ALPK3: variants seen among roughly 807,000 people sequenced by gnomAD.
ALPK3 encodes the protein alpha kinase 3, also known as alpha-protein kinase 3.
Under a neutral mutation model 140.0 loss-of-function variants are expected in ALPK3, and 102 were observed. The ratio of observed to expected loss-of-function variants is 0.73; its 90% CI spans 0.62 to 0.86. The LOEUF is 0.86. Among genes scored for constraint, ALPK3 ranks in the 40% least tolerant of loss-of-function variants. ALPK3 has a pLI of 0.00. For missense variants in ALPK3, 2,254 were observed against 2,208.2 expected, an observed-to-expected ratio of 1.02 and a Z score of -0.42; for synonymous variants, 938 against 898.5, an observed-to-expected ratio of 1.04 and a Z score of -0.79.
At chr15:84,864,333 A>T (rs2289138) in intron 11 of ALPK3, 109 bp from the exon 12 acceptor site, 2 of 1,152,918 alleles carry the variant, frequency 1.7e-6, no homozygotes, top group Non-Finnish European at 2.5e-6. Flanking sequence ...GCTGAGAATT[A>T]CATTCTTGGA....
intron 6 of ALPK3, 27 bp from the exon 7 acceptor site, chr15:84,859,216 C>A: frequency 1.9e-6 from 3 of 1,613,280 alleles, no homozygotes; most frequent in Non-Finnish European, 2.5e-6. Context: ...AGGTGGTGTT[C>A]CCCTCTTGAC....
chr15:84,864,597 A>C lies in ALPK3; in HGVS notation c.4655A>C (p.Lys1552Thr), dbSNP rs1237773925. The C allele has an allele frequency of 2.5e-6, 4 of 1,614,192 alleles. No individual in the cohort carries two copies. Among genetic ancestry groups the C allele is most frequent in the Non-Finnish European group, 3.4e-6 (4 of 1,180,028 alleles). The change falls in exon 12 of 14, where the codon AAA becomes ACA. Residue 1552 changes from lysine (K) to threonine (T), a missense_variant. By Grantham distance (78) the Lys-to-Thr change is moderately conservative (BLOSUM62 -1). Transcript: ENST00000258888. The part of the protein sequence containing the change: ...TASGSSEAMQ[K>T]CQTFQHWLYQ... ...TCTGGCAGCTCTGAGGCCATGCAGA[A>C]ATGCCAGACCTTCCAACACTGGCTG...
At chr15:84,832,197 C>T (rs1223676444) in intron 3 of ALPK3, among the ~76,000 whole-genome samples, 1 of 152,160 alleles carries the variant, frequency 6.6e-6, no homozygotes. Flanking sequence ...TACCAAATTG[C>T]CAATTCTTAG....
At chr15:84,846,195 T>G (rs1963729229) in intron 5 of ALPK3, among the ~76,000 whole-genome samples, 1 of 152,206 alleles carries the variant, frequency 6.6e-6, no homozygotes, top group African/African-American at 2.4e-5. Context: ...ACTAGGTAGA[T>G]TGCCTTCCAA....
chr15:84,851,287 A>G (rs1248923272), intron 5 of ALPK3, among the ~76,000 whole-genome samples: 5 of 152,274 alleles, frequency 3.3e-5, no homozygotes, highest in South Asian at 4.1e-4. Flanking sequence ...TAAAAGAGTT[A>G]CTAAATAGCA....
intron 3 of ALPK3, among the ~76,000 whole-genome samples, chr15:84,833,642 C>T (rs2141552543): frequency 6.6e-6 from 1 of 152,312 alleles, no homozygotes; most frequent in South Asian, 2.1e-4. Context: ...GTCAGCCCAC[C>T]AGGGCCCTGT....
In ALPK3 at chr15:84,848,012, AGATTGCACCACTGTACT is replaced by A. The variant is rs530173990; in HGVS notation, c.1653+7081_1653+7097del. Among the ~76,000 whole-genome samples, 422 of 151,976 alleles carry A rather than the reference AGATTGCACCACTGTACT, an allele frequency of 2.8e-3. 1 individual carries two copies. Among genetic ancestry groups the A allele is most frequent in the African/African-American group, 8.4e-3 (348 of 41,430 alleles). Reference sequence around the variant, plus strand: ...AGGAGGCAGAGGTTGTGGTGAACTGAGATTGCACCACTGTACTCCAGCCTGGGTGACAAAGCCAGACT... The same window carrying A: ...AGGAGGCAGAGGTTGTGGTGAACTGACCAGCCTGGGTGACAAAGCCAGACT... On this transcript the variant is annotated intron_variant, in intron 5 of 13. Transcript: ENST00000258888.
At chr15:84,818,999 A>C (rs1198270320) in intron 1 of ALPK3, among the ~76,000 whole-genome samples, 1 of 152,210 alleles carries the variant, frequency 6.6e-6, no homozygotes, top group Admixed American at 6.5e-5. Flanking sequence ...TGGAACAAAC[A>C]GAAGAGGCGG....
At chr15:84,847,244 A>G (rs1312028540) in intron 5 of ALPK3, among the ~76,000 whole-genome samples, 1 of 139,986 alleles carries the variant, frequency 7.1e-6, no homozygotes, top group African/African-American at 2.6e-5. Flanking sequence ...AGAGAGAGAG[A>G]GAGAGGAATC....
rs772672818 is a variant in ALPK3 at position 84,868,278 on chromosome 15, G to A, written c.4940G>A (p.Arg1647Lys). ...AKGSKSPSAG[R>K]KGSQLSPQPQ... is the part of the protein sequence containing the mutation. ...GGCTCTAAGAGTCCATCTGCTGGCA[G>A]GAAAGGCTCCCAGCTGAGTCCTCAG... The change falls in exon 14 of 14, where the codon AGG becomes AAG. Residue 1647 changes from arginine to lysine, a missense_variant. This residue lies in a region of ALPK3 where 158 missense variants were observed against 159.8 expected (regional missense o/e 0.99). Transcript: ENST00000258888. The A allele has an allele frequency of 5.6e-6, 9 of 1,614,158 alleles. No homozygotes were observed. Among genetic ancestry groups the A allele is most frequent in the Middle Eastern group, 3.3e-4 (2 of 6,060 alleles).
chr15:84,850,879 T>TACACACACACAC (rs4040516), intron 5 of ALPK3, among the ~76,000 whole-genome samples: 1,458 of 142,442 alleles, frequency 0.01, 22 homozygotes, highest in East Asian at 0.072. Context: ...GTTCCAGATA[T>TACACACACACAC]ACACACACAC....
At position 84,860,064 on chromosome 15, in the gene ALPK3, A is replaced by G. The variant is rs771224460; in HGVS notation, c.4121A>G (p.Glu1374Gly). The G allele has an allele frequency of 6.2e-7, 1 of 1,613,978 alleles. No homozygotes were observed. The highest frequency in any genetic ancestry group is 8.5e-7 in the Non-Finnish European group (1 of 1,179,980). The change falls in exon 9 of 14, where the codon GAA becomes GGA. Residue 1374 changes from glutamate (E) to glycine (G), a missense_variant. By Grantham distance (98) the Glu-to-Gly change is moderately conservative. Around this residue, in one of 3 missense-constraint regions of ALPK3, gnomAD observed 2,088 missense variants for 2,022.9 expected, o/e 1.03. Transcript: ENST00000258888. ...EVLSGFISRE[E>G]GEVGEEIEMT... ...TTGTCAGGATTCATCTCCAGAGAAG[A>G]AGGTGAAGGTATGGTTCCCCCCTGG...
At chr15:84,859,454 T>C in intron 7 of ALPK3, 64 bp downstream of exon 7, 2 of 1,590,528 alleles carry the variant, frequency 1.3e-6, no homozygotes, top group East Asian at 4.5e-5. Flanking sequence ...CGTTGGGCAC[T>C]GTCCTAGTGC....
chr15:84,839,880 A>T lies in ALPK3; in HGVS notation c.601A>T (p.Lys201Ter). 1.9e-6 allele frequency: 3 copies of T among 1,613,974 alleles called. No homozygotes were observed. The highest frequency in any genetic ancestry group is 2.5e-6 in the Non-Finnish European group (3 of 1,179,932). Reference sequence around the variant, plus strand: ...GCTGCGCGAGATCGAGCAGAGCTGGAAGCACGAGAAGGCGGTGCCTGGGGA... The same window carrying T: ...GCTGCGCGAGATCGAGCAGAGCTGGTAGCACGAGAAGGCGGTGCCTGGGGA... The part of the protein sequence containing the change: ...AKLREIEQSW[K>*]HEKAVPGEVD... Residue 201 changes from lysine (K) to a stop codon, truncating the protein, a stop_gained, in exon 5 of 14, where the codon AAG (lysine) becomes TAG (stop). Transcript: ENST00000258888. LOFTEE classifies it high-confidence loss of function.
chr15:84,833,576 A>C (rs1043889478), intron 3 of ALPK3, among the ~76,000 whole-genome samples: 1 of 152,156 alleles, frequency 6.6e-6, no homozygotes, highest in Admixed American at 6.5e-5. Context: ...GAGTGACCAT[A>C]CGTGCACTCT....
chr15:84,864,282 C>T (rs1963979965), intron 11 of ALPK3, among the ~76,000 whole-genome samples, 160 bp from the exon 12 acceptor site: 1 of 152,180 alleles, frequency 6.6e-6, no homozygotes, highest in Admixed American at 6.5e-5. Flanking sequence ...TTCCCAAACT[C>T]AGGGTGGAGC....
chr15:84,857,155 A>G lies in ALPK3; in HGVS notation c.2417A>G (p.His806Arg), dbSNP rs1963873779. 1.2e-6 allele frequency: 2 copies of G among 1,614,064 alleles called. No individual in the cohort carries two copies. The highest frequency in any genetic ancestry group is 1.7e-6 in the Non-Finnish European group (2 of 1,179,948). Residue 806 changes from histidine (H) to arginine (R), a missense_variant, in exon 6 of 14, where the codon CAT becomes CGT. His to Arg is a conservative substitution (Grantham distance 29). This residue lies in a region of ALPK3 where 2,088 missense variants were observed against 2,022.9 expected (regional missense o/e 1.03). Transcript: ENST00000258888. ...CTCATGCTCCCAGCACAGCCGCCCC[A>G]TGAGGGGAGTGTGGAGCAGGTGGGA... Reference protein sequence around the residue: ...GNLMLPAQPPHEGSVEQVGGE... With the variant: ...GNLMLPAQPPREGSVEQVGGE...
chr15:84,865,579 G>A (rs1469725055), intron 12 of ALPK3, among the ~76,000 whole-genome samples: 1 of 152,174 alleles, frequency 6.6e-6, no homozygotes, highest in African/African-American at 2.4e-5. Context: ...AAAATAAAAA[G>A]TTGAATTAGG....
At chr15:84,827,676 C>T in intron 3 of ALPK3, 71 bp downstream of exon 3, 1 of 1,585,698 alleles carries the variant, frequency 6.3e-7, no homozygotes. Flanking sequence ...GCTGTGAGGA[C>T]AGGAATGGTG....
Sources: allele counts gnomAD v4.1 joint callset (sites outside exome capture counted in the v4.1 genomes callset), GRCh38; gene constraint gnomAD v4.1.1; regional missense constraint gnomAD v4.1.1; transcripts MANE v1.5; gene names NCBI Gene and HGNC (gene_info 2026-07-23, HGNC 2026-07-21).